Variants in PCDHGB6 observed in about 807,000 individuals in gnomAD.
PCDHGB6 encodes protocadherin gamma-B6.
In PCDHGB6, 51 loss-of-function variants were observed where a neutral mutation model predicts 59.1. The ratio of observed to expected loss-of-function variants is 0.86; its 90% CI spans 0.69 to 1.09. PCDHGB6 has a LOEUF of 1.09. Among genes scored for constraint, PCDHGB6 ranks in the 50% least tolerant of loss-of-function variants. The probability of loss-of-function intolerance (pLI) is 0.00; values close to 1 mark genes in which losing one functional copy is unlikely to be tolerated. For synonymous variants in PCDHGB6, 466 were observed against 495.1 expected (o/e 0.94, Z 0.78); for missense variants, 1,148 against 1,205.1 (o/e 0.95, Z 0.70).
At chr5:141,421,523 C>G in intron 1 of PCDHGB6, 1 of 1,614,034 alleles carries the variant, frequency 6.2e-7, no homozygotes, top group Non-Finnish European at 8.5e-7. Context: ...CTCTGTGAGA[C>G]GGTGTCCTCC....
chr5:141,491,578 C>G lies in PCDHGB6; in HGVS notation c.2419-3229C>G, dbSNP rs1438933474. ...CCACTGCTACAGGACGTGCTTTTCA[C>G]CGGCCTCGGACGGCAGTGACTTCAC... On this transcript the variant is annotated intron_variant, in intron 1 of 3. Transcript: ENST00000520790. This position sits in a 1 kb window ranked among gnomAD's most constrained non-coding sequence, Gnocchi z 6.9. The G allele has an allele frequency of 1.9e-6, 3 of 1,614,006 alleles. No individual in the cohort carries two copies. Among genetic ancestry groups the G allele is most frequent in the Non-Finnish European group, 2.5e-6 (3 of 1,180,036 alleles).
At position 141,408,855 on chromosome 5, in the gene PCDHGB6, G is replaced by T; in HGVS notation, c.653G>T (p.Gly218Val). ...HSLILTALDGGDPPRSATAHI... is the reference protein window; with the variant it reads ...HSLILTALDGVDPPRSATAHI... Reference sequence around the variant, plus strand: ...TTGATATTGACTGCCTTGGACGGAGGGGACCCACCAAGAAGTGCCACCGCT... The same window carrying T: ...TTGATATTGACTGCCTTGGACGGAGTGGACCCACCAAGAAGTGCCACCGCT... Residue 218 changes from glycine to valine, a missense_variant, in exon 1 of 4, where the codon GGG becomes GTG. Physicochemically the swap from Gly to Val is moderately radical, Grantham distance 109. Coordinates refer to ENST00000520790, the MANE Select transcript of PCDHGB6 (RefSeq NM_018926.3). 6.2e-7 allele frequency: 1 copy of T among 1,613,572 alleles called. No homozygotes were observed. The highest frequency in any genetic ancestry group is 8.5e-7 in the Non-Finnish European group (1 of 1,179,822).
At chr5:141,498,991 AG>A (rs1449718352) in intron 2 of PCDHGB6, among the ~76,000 whole-genome samples, 8 of 144,362 alleles carry the variant, frequency 5.5e-5, no homozygotes, top group Non-Finnish European at 1.0e-4. Context: ...GAAGGAAGGA[AG>A]GAAGGAAGGA....
rs368371918 is a variant in PCDHGB6 at position 141,432,800 on chromosome 5, C to G, written c.2418+22180C>G. Reference sequence around the variant, plus strand: ...GGCGGACCTCGGCAGCCTCGAGTCTCCAGCTAACTCTGAAACCTCAGACCT... The same window carrying G: ...GGCGGACCTCGGCAGCCTCGAGTCTGCAGCTAACTCTGAAACCTCAGACCT... On this transcript the variant is annotated intron_variant, in intron 1 of 3. Coordinates refer to ENST00000520790, the MANE Select transcript of PCDHGB6 (RefSeq NM_018926.3). This position sits in a 1 kb window ranked among gnomAD's most constrained non-coding sequence, Gnocchi z 6.0. The G allele has an allele frequency of 9.9e-6, 16 of 1,614,038 alleles. No individual in the cohort carries two copies. Among genetic ancestry groups the G allele is most frequent in the Non-Finnish European group, 1.3e-5 (15 of 1,180,016 alleles).
intron 1 of PCDHGB6, among the ~76,000 whole-genome samples, chr5:141,430,390 A>G (rs1231067120): frequency 6.6e-6 from 1 of 152,216 alleles, no homozygotes; most frequent in Non-Finnish European, 1.5e-5. Flanking sequence ...TGGGAAAAAA[A>G]AAAAAAGCTC....
At chr5:141,479,505 G>A (rs2099498324) in intron 1 of PCDHGB6, 1 of 152,262 alleles carries the variant, frequency 6.6e-6, no homozygotes, top group African/African-American at 2.4e-5. Flanking sequence ...CCTAAAGAGG[G>A]GTGAACTGGC....
chr5:141,451,812 C>G (rs974567828), intron 1 of PCDHGB6, among the ~76,000 whole-genome samples: 1 of 149,686 alleles, frequency 6.7e-6, no homozygotes, highest in Non-Finnish European at 1.5e-5. Flanking sequence ...ACCCAGGAGG[C>G]GGAGGTTACA....
At chr5:141,413,637 G>T in intron 1 of PCDHGB6, 8 of 1,613,888 alleles carry the variant, frequency 5.0e-6, no homozygotes, top group Non-Finnish European at 6.8e-6. Context: ...CTGCGGGAAT[G>T]CGTTTTCCTC....
Position 141,485,550 on chromosome 5 carries a change from TG to T in PCDHGB6, c.2419-9256del. On this transcript the variant is annotated intron_variant, in intron 1 of 3. Coordinates refer to ENST00000520790, the MANE Select transcript of PCDHGB6 (RefSeq NM_018926.3). The surrounding 1 kb of genome is among the most constrained non-coding windows in gnomAD (Gnocchi z 5.7). ...CGAGCAGAGGTAGAGATCGTAGATGTGAATGATCACGCCCCCCGTTTTCCGC... is the reference window on the plus strand; with the variant it reads ...CGAGCAGAGGTAGAGATCGTAGATGTAATGATCACGCCCCCCGTTTTCCGC... The T allele has an allele frequency of 6.2e-7, 1 of 1,613,820 alleles. No individual in the cohort carries two copies.
At chr5:141,421,159 C>G (rs2096549842) in intron 1 of PCDHGB6, 3 of 1,236,898 alleles carry the variant, frequency 2.4e-6, no homozygotes. Flanking sequence ...CCTAGGACTT[C>G]ATAGATACAT....
Position 141,491,262 on chromosome 5 carries a change from G to A in PCDHGB6, c.2419-3545G>A. ...TGGAGGATGAGGACCCTGAGGAAATGCCCAAATCCAGTGACTTCCTCATAC... is the reference window on the plus strand; with the variant it reads ...TGGAGGATGAGGACCCTGAGGAAATACCCAAATCCAGTGACTTCCTCATAC... On this transcript the variant is annotated intron_variant, in intron 1 of 3. Transcript: ENST00000520790. The surrounding 1 kb of genome is among the most constrained non-coding windows in gnomAD (Gnocchi z 6.9). 2 of 1,614,122 alleles carry A rather than the reference G, an allele frequency of 1.2e-6. No individual in the cohort carries two copies. Among genetic ancestry groups the A allele is most frequent in the Non-Finnish European group, 1.7e-6 (2 of 1,179,952 alleles).
In PCDHGB6 at chr5:141,432,931, G is replaced by A. The variant is rs2097550450; in HGVS notation, c.2418+22311G>A. The A allele has an allele frequency of 6.2e-7, 1 of 1,614,198 alleles. No individual in the cohort carries two copies. The highest frequency in any genetic ancestry group is 2.2e-5 in the East Asian group (1 of 44,864). Reference sequence around the variant, plus strand: ...TGCGGCGCTGGCACAAGTCACGCCTGCTGCAGGCTTCAGGAGGCGGCTTGA... The same window carrying A: ...TGCGGCGCTGGCACAAGTCACGCCTACTGCAGGCTTCAGGAGGCGGCTTGA... On this transcript the variant is annotated intron_variant, in intron 1 of 3. Transcript: ENST00000520790. The surrounding 1 kb of genome is among the most constrained non-coding windows in gnomAD (Gnocchi z 6.0).
intron 1 of PCDHGB6, among the ~76,000 whole-genome samples, chr5:141,430,411 C>T (rs879587751): frequency 3.3e-5 from 5 of 150,942 alleles, no homozygotes; most frequent in African/African-American, 1.2e-4. Flanking sequence ...ACTAAAGTTT[C>T]TATTAAAGCG....
At chr5:141,488,139 T>C (rs906194527) in intron 1 of PCDHGB6, among the ~76,000 whole-genome samples, 2 of 152,084 alleles carry the variant, frequency 1.3e-5, no homozygotes, top group Non-Finnish European at 2.9e-5. Context: ...AGGAGAGAAC[T>C]AAAGGAATAG....
chr5:141,413,248 GGGATTCCATGGGA>G (rs1349440144), intron 1 of PCDHGB6: 4 of 1,613,844 alleles, frequency 2.5e-6, no homozygotes, highest in Non-Finnish European at 2.5e-6. Context: ...CCTTTTCTTC[GGGATTCCATGGGA>G]GGCTGGAGCC....
In PCDHGB6 at chr5:141,486,680, T is replaced by A; in HGVS notation, c.2419-8127T>A. The A allele has an allele frequency of 6.2e-7, 1 of 1,614,102 alleles. No homozygotes were observed. Among genetic ancestry groups the A allele is most frequent in the Non-Finnish European group, 8.5e-7 (1 of 1,180,018 alleles). ...CCTGGAGCCCAGGAATCGAGATGTA[T>A]CAGCTTCCTCTTTCATCTCTCTGAA... is the stretch of plus-strand genomic sequence containing the variant. On this transcript the variant is annotated intron_variant, in intron 1 of 3. Coordinates refer to ENST00000520790, the MANE Select transcript of PCDHGB6 (RefSeq NM_018926.3). This position sits in a 1 kb window ranked among gnomAD's most constrained non-coding sequence, Gnocchi z 5.0.
Position 141,485,193 on chromosome 5 carries a change from G to C in PCDHGB6, c.2419-9614G>C. 1 of 1,613,988 alleles carries C rather than the reference G, an allele frequency of 6.2e-7. No individual in the cohort carries two copies. Among genetic ancestry groups the C allele is most frequent in the Non-Finnish European group, 8.5e-7 (1 of 1,179,852 alleles). On this transcript the variant is annotated intron_variant, in intron 1 of 3. Transcript: ENST00000520790. This position sits in a 1 kb window ranked among gnomAD's most constrained non-coding sequence, Gnocchi z 5.7. ...GCAGCAATGCTCCGCAAGGTGAGAA[G>C]CTGGACAGAAATCTGGCGGTGGGCT...
At position 141,427,172 on chromosome 5, in the gene PCDHGB6, TG is replaced by T. The variant is rs757372749; in HGVS notation, c.2418+16556del. ...ATATGTTTGTGCTAGACCATCAAAA[TG>T]GGGAAATTAAATCCAAAGACTTAAT... On this transcript the variant is annotated intron_variant, in intron 1 of 3. Coordinates refer to ENST00000520790, the MANE Select transcript of PCDHGB6 (RefSeq NM_018926.3). The T allele has an allele frequency of 3.9e-5, 18 of 456,596 alleles. 1 individual carries two copies. The highest frequency in any genetic ancestry group is 2.6e-4 in the South Asian group (17 of 64,568). 28.3% of individuals were successfully genotyped at this position (456,596 alleles called of 1,614,324 possible). A position where few individuals can be genotyped will look rare whatever the true frequency, so the allele number is the denominator to read the frequency against.
rs1036223789 is a variant in PCDHGB6, at chr5:141,511,298, G to A, written c.*125G>A. On this transcript the variant is annotated 3_prime_UTR_variant, in exon 4 of 4. Transcript: ENST00000520790. ...GAATACTGGTAGGGGCCAAGGCCAT[G>A]CTCCCCTTGGGAAACAGAAACAAGT... The A allele has an allele frequency of 4.7e-6, 7 of 1,502,412 alleles. No individual in the cohort carries two copies. In the African/African-American group the frequency reaches 8.4e-5, roughly 18 times the overall value. The allele number at this position is 1,502,412 out of a possible 1,614,324, so 93.1% of individuals were successfully genotyped here. A position where few individuals can be genotyped will look rare whatever the true frequency, so the allele number is the denominator to read the frequency against.
Sources: gnomAD v4.1 joint callset for allele counts (sites outside exome capture counted in the v4.1 genomes callset) on GRCh38, gnomAD v4.1.1 for gene constraint, Gnocchi (gnomAD v3.1) non-coding constraint, MANE v1.5 for transcripts, NCBI Gene and HGNC (gene_info 2026-07-23, HGNC 2026-07-21) for gene names.